The following LRRC4C variants were observed in gnomAD, a reference collection of about 807,000 sequenced individuals.
The protein encoded by LRRC4C is leucine rich repeat containing 4C.
In LRRC4C, 5 loss-of-function variants were observed where a neutral mutation model predicts 33.6. That is an observed-to-expected ratio of 0.15 (90% CI 0.08 to 0.31). The LOEUF is 0.31. LRRC4C is among the 10% of genes least tolerant of loss of function. The pLI is 1.00. For missense variants in LRRC4C, 560 were observed against 796.7 expected, an observed-to-expected ratio of 0.70 and a Z score of 3.58; for synonymous variants, 329 against 302.0, an observed-to-expected ratio of 1.09 and a Z score of -0.93.
At position 41,223,895 on chromosome 11, in the gene LRRC4C, G is replaced by A. The variant is rs187475265; in HGVS notation, c.-496+235536C>T. 4.3e-3 allele frequency among the ~76,000 whole-genome samples: 650 copies of A among 152,282 alleles called. 5 individuals carry two copies. The highest frequency in any genetic ancestry group is 0.015 in the African/African-American group (616 of 41,564). On this transcript the variant is annotated intron_variant, in intron 1 of 6. Coordinates refer to ENST00000528697, the MANE Select transcript of LRRC4C (RefSeq NM_001258419.2). ...TGGATATCATCTCTTAATCATGCCAGGGGAAGAGCTGTTGCTTTCCCAATT... is the reference window on the plus strand; with the variant it reads ...TGGATATCATCTCTTAATCATGCCAAGGGAAGAGCTGTTGCTTTCCCAATT...
At chr11:40,956,851 C>T (rs1958977597) in intron 1 of LRRC4C, among the ~76,000 whole-genome samples, 1 of 151,588 alleles carries the variant, frequency 6.6e-6, no homozygotes, top group South Asian at 2.1e-4. Flanking sequence ...AGGCATGGAA[C>T]ATTTTGTTAT....
chr11:40,502,614 C>T (rs1034387300), intron 3 of LRRC4C, among the ~76,000 whole-genome samples: 7 of 152,082 alleles, frequency 4.6e-5, no homozygotes, highest in African/African-American at 1.7e-4. Flanking sequence ...CCCTACGATT[C>T]AATTATCTCC....
chr11:40,432,814 A>G (rs1339256118), intron 3 of LRRC4C, among the ~76,000 whole-genome samples: 1 of 152,196 alleles, frequency 6.6e-6, no homozygotes. Context: ...ATGACTCCAA[A>G]CAATGACCAA....
chr11:40,847,330 A>G (rs537644073), intron 2 of LRRC4C, among the ~76,000 whole-genome samples: 3 of 152,156 alleles, frequency 2.0e-5, no homozygotes, highest in Admixed American at 2.0e-4. Context: ...ATCAATACCT[A>G]GTTTATTGAA....
intron 4 of LRRC4C, among the ~76,000 whole-genome samples, chr11:40,298,206 G>A (rs1944605301): frequency 6.6e-6 from 1 of 152,116 alleles, no homozygotes; most frequent in Non-Finnish European, 1.5e-5. Context: ...CAAATAAGAT[G>A]ATTTCAGCAA....
chr11:40,510,358 C>T (rs1198269709), intron 3 of LRRC4C, among the ~76,000 whole-genome samples: 1 of 151,784 alleles, frequency 6.6e-6, no homozygotes, highest in Non-Finnish European at 1.5e-5. Context: ...GGTCCATGTT[C>T]ACAATGCCAG....
chr11:40,673,033 A>AG (rs1478955115), intron 2 of LRRC4C, among the ~76,000 whole-genome samples: 26 of 149,822 alleles, frequency 1.7e-4, no homozygotes, highest in East Asian at 7.8e-4. Context: ...CTATCTTAAA[A>AG]GAAAAAAAAA....
intron 3 of LRRC4C, among the ~76,000 whole-genome samples, chr11:40,324,524 C>T (rs886350987): frequency 2.0e-5 from 3 of 152,176 alleles, no homozygotes; most frequent in African/African-American, 7.2e-5. Context: ...CTGAGTTCTA[C>T]CACCCTCACT....
intron 3 of LRRC4C, among the ~76,000 whole-genome samples, chr11:40,616,799 T>C (rs1165051267): frequency 6.6e-6 from 1 of 151,582 alleles, no homozygotes; most frequent in Non-Finnish European, 1.5e-5. Flanking sequence ...TTAGGAGATA[T>C]ACCTAATGTT....
At chr11:40,330,725 A>G (rs2136933324) in intron 3 of LRRC4C, among the ~76,000 whole-genome samples, 1 of 152,230 alleles carries the variant, frequency 6.6e-6, no homozygotes, top group Middle Eastern at 3.4e-3. Context: ...CATGAGAACA[A>G]CATGGAAATA....
At chr11:40,747,936 A>T (rs529605875) in intron 2 of LRRC4C, among the ~76,000 whole-genome samples, 2 of 152,272 alleles carry the variant, frequency 1.3e-5, no homozygotes, top group Middle Eastern at 3.4e-3. Context: ...TCTTTAAATT[A>T]TCAGAGTCCC....
intron 5 of LRRC4C, among the ~76,000 whole-genome samples, chr11:40,152,184 G>T (rs572727008): frequency 6.6e-6 from 1 of 152,176 alleles, no homozygotes; most frequent in African/African-American, 2.4e-5. Flanking sequence ...GCACACCCCC[G>T]CTGGAGAAGC....
intron 2 of LRRC4C, among the ~76,000 whole-genome samples, chr11:40,794,484 G>A (rs1045804483): frequency 6.6e-6 from 1 of 150,998 alleles, no homozygotes; most frequent in Admixed American, 6.6e-5. Context: ...TCAAATCTCT[G>A]ATTCTCCATC....
intron 1 of LRRC4C, among the ~76,000 whole-genome samples, chr11:41,364,869 C>T (rs1271141631): frequency 6.6e-6 from 1 of 152,118 alleles, no homozygotes; most frequent in African/African-American, 2.4e-5. Flanking sequence ...CACTGAGTTT[C>T]AACCCTTTAA....
At chr11:41,214,408 C>T (rs919035195) in intron 1 of LRRC4C, among the ~76,000 whole-genome samples, 4 of 151,600 alleles carry the variant, frequency 2.6e-5, no homozygotes, top group South Asian at 2.1e-4. Flanking sequence ...AGAGAAAAAA[C>T]GTATAACAAT....
intron 2 of LRRC4C, among the ~76,000 whole-genome samples, chr11:40,679,604 A>G (rs2136320311): frequency 6.6e-6 from 1 of 152,298 alleles, no homozygotes; most frequent in African/African-American, 2.4e-5. Flanking sequence ...AAAGGGGCCA[A>G]GGTACAGCTT....
chr11:41,423,093 AT>A (rs1374186751), intron 1 of LRRC4C, among the ~76,000 whole-genome samples: 1 of 152,172 alleles, frequency 6.6e-6, no homozygotes, highest in East Asian at 1.9e-4. Flanking sequence ...ATACCCAGTA[AT>A]AGTGACAAAC....
At chr11:40,454,930 T>C (rs1473071070) in intron 3 of LRRC4C, among the ~76,000 whole-genome samples, 2 of 152,116 alleles carry the variant, frequency 1.3e-5, no homozygotes, top group Admixed American at 6.6e-5. Context: ...AGTTTTCAGA[T>C]AGTTCCAGAA....
chr11:41,333,513 T>C (rs901061824), intron 1 of LRRC4C, among the ~76,000 whole-genome samples: 18 of 152,328 alleles, frequency 1.2e-4, no homozygotes, highest in African/African-American at 4.1e-4. Context: ...TGCAGGGATA[T>C]GTGACCAGCA....
Sources: gnomAD v4.1 joint callset for allele counts (sites outside exome capture counted in the v4.1 genomes callset) on GRCh38, gnomAD v4.1.1 for gene constraint, MANE v1.5 for transcripts, NCBI Gene and HGNC (gene_info 2026-07-23, HGNC 2026-07-21) for gene names.